Variants in SDC2 observed in about 807,000 individuals in gnomAD.
SDC2 encodes the protein syndecan 2, also known as syndecan-2.
In SDC2, 13 loss-of-function variants were observed where a neutral mutation model predicts 22.2. The observed-to-expected ratio is 0.59, with a 90% CI of 0.38 to 0.93. The LOEUF is 0.93. Ranked by LOEUF, SDC2 falls within the 40% of genes least tolerant of loss-of-function variation. The pLI is 0.00. For synonymous variants in SDC2, 94 were observed against 92.8 expected, an observed-to-expected ratio of 1.01 and a Z score of -0.07; for missense variants, 235 against 246.8, an observed-to-expected ratio of 0.95 and a Z score of 0.32.
chr8:96,517,771 A>ATGTG lies in SDC2; in HGVS notation c.60+23468_60+23471dup, dbSNP rs34151563. Among the ~76,000 whole-genome samples the ATGTG allele has an allele frequency of 2.1e-3, 312 of 149,468 alleles. 1 individual carries two copies. Among genetic ancestry groups the ATGTG allele is most frequent in the South Asian group, 0.015 (68 of 4,678 alleles). On this transcript the variant is annotated intron_variant, in intron 1 of 4. Coordinates refer to ENST00000302190, the MANE Select transcript of SDC2 (RefSeq NM_002998.4). ...TAAATACACACGTTTGTGTGTGTGC[A>ATGTG]TGTGTGTGTGTGTGTGTGTGTGTGT... is the stretch of plus-strand genomic sequence containing the variant.
At chr8:96,502,023 A>T (rs1250980751) in intron 1 of SDC2, among the ~76,000 whole-genome samples, 1 of 152,152 alleles carries the variant, frequency 6.6e-6, no homozygotes, top group Admixed American at 6.5e-5. Context: ...CGTATTCGTG[A>T]TCTAATGTCT....
intron 2 of SDC2, among the ~76,000 whole-genome samples, chr8:96,601,197 T>C (rs549853872): frequency 6.6e-6 from 1 of 152,180 alleles, no homozygotes; most frequent in Admixed American, 6.5e-5. Flanking sequence ...AAGAGTGCCA[T>C]TGGGTGCTGT....
At chr8:96,562,321 TTTTCAGGTCCACAGCC>T (rs1198981945) in intron 1 of SDC2, among the ~76,000 whole-genome samples, 1 of 152,230 alleles carries the variant, frequency 6.6e-6, no homozygotes, top group Non-Finnish European at 1.5e-5. Flanking sequence ...TATGTGGGTC[TTTTCAGGTCCACAGCC>T]TTTCAGTGAC....
At chr8:96,581,477 A>G (rs1246210835) in intron 1 of SDC2, among the ~76,000 whole-genome samples, 2 of 152,130 alleles carry the variant, frequency 1.3e-5, no homozygotes, top group East Asian at 1.9e-4. Flanking sequence ...TAAAAATACA[A>G]AAATTAGCTG....
intron 1 of SDC2, among the ~76,000 whole-genome samples, chr8:96,576,689 G>A (rs1277205310): frequency 6.6e-6 from 1 of 151,298 alleles, no homozygotes; most frequent in Non-Finnish European, 1.5e-5. Context: ...AAAGTGTTGG[G>A]ATTACAGGCG....
chr8:96,560,451 A>T (rs1429803612), intron 1 of SDC2, among the ~76,000 whole-genome samples: 1 of 152,208 alleles, frequency 6.6e-6, no homozygotes, highest in Non-Finnish European at 1.5e-5. Context: ...AAAGATATGT[A>T]ACTGAATTAT....
chr8:96,562,089 T>TC (rs894700232), intron 1 of SDC2, among the ~76,000 whole-genome samples: 4 of 152,204 alleles, frequency 2.6e-5, no homozygotes, highest in African/African-American at 4.8e-5. Flanking sequence ...CATTTTGATT[T>TC]CCCCCCCATT....
intron 1 of SDC2, among the ~76,000 whole-genome samples, chr8:96,558,187 G>A (rs1250679573): frequency 6.6e-6 from 1 of 152,078 alleles, no homozygotes; most frequent in Non-Finnish European, 1.5e-5. Flanking sequence ...TGCTTTTCTG[G>A]TGAGTGGATA....
chr8:96,561,795 G>A (rs1814214508), intron 1 of SDC2, among the ~76,000 whole-genome samples: 1 of 152,188 alleles, frequency 6.6e-6, no homozygotes, highest in South Asian at 2.1e-4. Context: ...GGGGAGAAAA[G>A]AAATGCCAGT....
Position 96,523,432 on chromosome 8 carries a change from A to T in SDC2, c.60+29101A>T, listed in dbSNP as rs1439779275. On this transcript the variant is annotated intron_variant, in intron 1 of 4. Coordinates refer to ENST00000302190, the MANE Select transcript of SDC2 (RefSeq NM_002998.4). ...TGGTTGAGCATTAAGGTTGCCCCTA[A>T]TGGATGGGATCTCTGCCAGGGGTAA... Among the ~76,000 whole-genome samples the T allele has an allele frequency of 3.9e-5, 6 of 152,322 alleles. No individual in the cohort carries two copies. The East Asian group carries it at 9.6e-4, about 24-fold the overall frequency.
At chr8:96,572,247 A>G (rs1431630098) in intron 1 of SDC2, among the ~76,000 whole-genome samples, 1 of 152,168 alleles carries the variant, frequency 6.6e-6, no homozygotes, top group African/African-American at 2.4e-5. Context: ...CTGGTGGAAA[A>G]TGTTTGTTCA....
intron 1 of SDC2, among the ~76,000 whole-genome samples, chr8:96,503,383 A>G (rs985313185): frequency 5.9e-5 from 9 of 152,228 alleles, no homozygotes; most frequent in Non-Finnish European, 1.0e-4. Context: ...TTTGAAGGGT[A>G]TTTATAACTT....
chr8:96,532,872 A>C (rs1813688723), intron 1 of SDC2, among the ~76,000 whole-genome samples: 17 of 152,158 alleles, frequency 1.1e-4, no homozygotes, highest in Admixed American at 1.1e-3. Context: ...CCTGTGCCCT[A>C]AATGGGCCCA....
intron 1 of SDC2, among the ~76,000 whole-genome samples, chr8:96,575,384 G>C (rs1814470833): frequency 6.7e-6 from 1 of 149,972 alleles, no homozygotes; most frequent in Non-Finnish European, 1.5e-5. Flanking sequence ...GGGTGGGGTA[G>C]GGTGGGGTGG....
At chr8:96,523,145 T>C (rs1813523038) in intron 1 of SDC2, among the ~76,000 whole-genome samples, 1 of 152,190 alleles carries the variant, frequency 6.6e-6, no homozygotes, top group South Asian at 2.1e-4. Flanking sequence ...TTGAAATCTT[T>C]CTTTAAAATC....
At chr8:96,571,772 G>C (rs1814398904) in intron 1 of SDC2, among the ~76,000 whole-genome samples, 2 of 152,194 alleles carry the variant, frequency 1.3e-5, no homozygotes, top group Non-Finnish European at 2.9e-5. Context: ...AAAAAATCCT[G>C]AAGACAGTAC....
intron 3 of SDC2, among the ~76,000 whole-genome samples, chr8:96,603,912 A>T (rs1412659584): frequency 6.6e-6 from 1 of 152,230 alleles, no homozygotes; most frequent in African/African-American, 2.4e-5. Context: ...CATGCATAAA[A>T]GCTACTGTAT....
At chr8:96,589,283 T>C (rs1586317573) in intron 1 of SDC2, among the ~76,000 whole-genome samples, 1 of 152,206 alleles carries the variant, frequency 6.6e-6, no homozygotes, top group Non-Finnish European at 1.5e-5. Flanking sequence ...GTTTTTGTAT[T>C]GGTGCCTGGG....
chr8:96,553,093 C>T (rs931690517), intron 1 of SDC2, among the ~76,000 whole-genome samples: 1 of 151,914 alleles, frequency 6.6e-6, no homozygotes, highest in East Asian at 1.9e-4. Context: ...TAGAAAGTGC[C>T]TTTTTTACAT....
Sources: gnomAD v4.1 joint callset for allele counts (sites outside exome capture counted in the v4.1 genomes callset) on GRCh38, gnomAD v4.1.1 for gene constraint, MANE v1.5 for transcripts, NCBI Gene and HGNC (gene_info 2026-07-23, HGNC 2026-07-21) for gene names.